The following POC1B variants were observed in gnomAD, a reference collection of about 807,000 sequenced individuals.
POC1B encodes the protein POC1 centriolar protein homolog B.
Under a neutral mutation model 60.6 loss-of-function variants are expected in POC1B, and 44 were observed. That is an observed-to-expected ratio of 0.73 (90% CI 0.57 to 0.93). The LOEUF (loss-of-function observed/expected upper bound fraction) is 0.93, where lower values mean the gene tolerates loss of function less well. Among genes scored for constraint, POC1B ranks in the 40% least tolerant of loss-of-function variants. The pLI is 0.00. For missense variants in POC1B, 555 were observed against 572.3 expected (o/e 0.97, Z 0.31); for synonymous variants, 180 against 198.9 (o/e 0.90, Z 0.80).
the POC1B span, among the ~76,000 whole-genome samples, chr12:89,406,931 C>A: frequency 0.85 from 129,001 of 151,520 alleles, 55,073 homozygotes; most frequent in East Asian, 0.98. Context: ...GGATCACCTG[C>A]GGTCAGGAGT....
chr12:89,522,218 C>A (rs1870945430), intron 2 of POC1B: 2 of 398,436 alleles, frequency 5.0e-6, no homozygotes, highest in African/African-American at 4.1e-5. Context: ...TTAAAAAGGC[C>A]TCCAAACTCA....
the POC1B span, among the ~76,000 whole-genome samples, chr12:89,401,728 G>A: frequency 2.6e-5 from 4 of 152,096 alleles, no homozygotes; most frequent in South Asian, 2.1e-4. Context: ...CTCAAGATGG[G>A]TCCTCACAAA....
intron 2 of POC1B, chr12:89,523,887 G>A (rs1290940278): frequency 3.2e-6 from 5 of 1,578,546 alleles, no homozygotes; most frequent in Non-Finnish European, 4.3e-6. Flanking sequence ...AAGTGAGGAC[G>A]TCCCCAGTGG....
chr12:89,501,012 A>G lies in POC1B; in HGVS notation c.101-3670T>C, dbSNP rs1276393327. On this transcript the variant is annotated intron_variant, in intron 2 of 11. Coordinates refer to ENST00000313546, the MANE Select transcript of POC1B (RefSeq NM_172240.3). ...TATGAAGTTGATAGAGGATGAATTT[A>G]TAATTGATAAGTCAGATCAAAGTTT... The G allele has an allele frequency of 4.0e-6, 4 of 994,870 alleles. No individual in the cohort carries two copies. In the South Asian group the frequency reaches 5.5e-5, roughly 14 times the overall value. The allele number at this position is 994,870 out of a possible 1,614,324, so 61.6% of individuals were successfully genotyped here. A position where few individuals can be genotyped will look rare whatever the true frequency, so the allele number is the denominator to read the frequency against.
chr12:89,525,950 GGGAGAGGATGGGGAAGGAGA>G lies in POC1B; in HGVS notation c.-75_-56del. On this transcript the variant is annotated 5_prime_UTR_variant, in exon 1 of 12. Transcript: ENST00000313546. ...GGGTGGGGGAACCCGGAGAGGGGAG[GGGAGAGGATGGGGAAGGAGA>G]GGGGACCGTGCGGCTCCCGGAACCG... 13 of 1,540,482 alleles carry G rather than the reference GGGAGAGGATGGGGAAGGAGA, an allele frequency of 8.4e-6. No individual in the cohort carries two copies. Among genetic ancestry groups the G allele is most frequent in the Non-Finnish European group, 1.1e-5 (13 of 1,141,680 alleles).
intron 4 of POC1B, among the ~76,000 whole-genome samples, chr12:89,479,509 A>G (rs773948760): frequency 6.6e-6 from 1 of 152,218 alleles, no homozygotes; most frequent in African/African-American, 2.4e-5. Flanking sequence ...TACTATTTAC[A>G]TTTTAAAAGC....
intron 10 of POC1B, among the ~76,000 whole-genome samples, chr12:89,451,882 A>C (rs972822753): frequency 6.6e-6 from 1 of 152,130 alleles, no homozygotes; most frequent in African/African-American, 2.4e-5. Context: ...TAAGTTCACT[A>C]TTTTCCGTGA....
chr12:89,502,127 A>T, intron 2 of POC1B: 1 of 1,182,862 alleles, frequency 8.5e-7, no homozygotes, highest in Non-Finnish European at 1.3e-6. Flanking sequence ...GATTCTGGAG[A>T]GCATAAGACT....
chr12:89,437,289 T>C (rs887870859), intron 10 of POC1B, among the ~76,000 whole-genome samples: 3 of 152,048 alleles, frequency 2.0e-5, no homozygotes, highest in African/African-American at 7.2e-5. Context: ...CCTTCACTGG[T>C]CCCCCCAATT....
chr12:89,458,044 G>A (rs57155804), intron 10 of POC1B, among the ~76,000 whole-genome samples: 1,812 of 152,218 alleles, frequency 0.012, 35 homozygotes, highest in African/African-American at 0.042. Context: ...GATTCCTCAC[G>A]TAATGAGGCT....
At chr12:89,438,531 AT>A (rs1056963257) in intron 10 of POC1B, among the ~76,000 whole-genome samples, 1 of 152,214 alleles carries the variant, frequency 6.6e-6, no homozygotes, top group Admixed American at 6.5e-5. Flanking sequence ...ATTATCAAAC[AT>A]TTTTCAAACT....
Position 89,526,036 on chromosome 12 carries a change from G to C in POC1B, c.-141C>G, listed in dbSNP as rs780952919. 1.6e-5 allele frequency: 25 copies of C among 1,534,732 alleles called. No homozygotes were observed. Among genetic ancestry groups the C allele is most frequent in the Admixed American group, 2.0e-5 (1 of 50,864 alleles). ...AGCGCCTCCCGGTCACTACAACAACGGCGGCCCAGTCAAACCCCGCGCTCC... is the reference window on the plus strand; with the variant it reads ...AGCGCCTCCCGGTCACTACAACAACCGCGGCCCAGTCAAACCCCGCGCTCC... On this transcript the variant is annotated 5_prime_UTR_variant, in exon 1 of 12. Transcript: ENST00000313546.
rs777371599 is a variant in POC1B, at chr12:89,425,214, C to T, written c.1279G>A (p.Ala427Thr). The change falls in exon 11 of 12, where the codon GCT becomes ACT. Residue 427 changes from alanine to threonine, a missense_variant. Coordinates refer to ENST00000313546, the MANE Select transcript of POC1B (RefSeq NM_172240.3). The stretch of plus-strand genomic sequence containing the variant: ...ATATGCTCTAAAGCATCAGTCACAG[C>T]GAGAGGTATGCTCCTTTGACTTTCA... ...PCESQRSIPL[A>T]VTDALEHIME... The T allele has an allele frequency of 8.7e-6, 14 of 1,614,018 alleles. No homozygotes were observed. The highest frequency in any genetic ancestry group is 1.6e-4 in the Middle Eastern group (1 of 6,084).
chr12:89,402,366 CA>C, the POC1B span, among the ~76,000 whole-genome samples: 50 of 151,638 alleles, frequency 3.3e-4, no homozygotes, highest in East Asian at 8.9e-3. Context: ...CACACACACA[CA>C]CACCCCTTTA....
At chr12:89,469,619 A>G (rs1882811300) in intron 7 of POC1B, among the ~76,000 whole-genome samples, 3 of 152,116 alleles carry the variant, frequency 2.0e-5, no homozygotes, top group South Asian at 4.1e-4. Flanking sequence ...TGCTTACCCA[A>G]TTTCTCCTAA....
Position 89,497,234 on chromosome 12 carries a change from G to A in POC1B, c.209C>T (p.Pro70Leu). ...GGCAGACGCCAATAAGTTTCCATGT[G>A]GAGAAAACTGCACGCTGGTTACAAC... ...KDVVTSVQFS[P>L]HGNLLASASR... is the part of the protein sequence containing the mutation. Residue 70 changes from proline to leucine, a missense_variant, in exon 3 of 12, where the codon CCA (proline) becomes CTA (leucine). Physicochemically the swap from Pro to Leu is moderately conservative, Grantham distance 98. Transcript: ENST00000313546. The A allele has an allele frequency of 6.2e-7, 1 of 1,613,836 alleles. No individual in the cohort carries two copies. The highest frequency in any genetic ancestry group is 1.3e-5 in the African/African-American group (1 of 75,030).
intron 10 of POC1B, among the ~76,000 whole-genome samples, chr12:89,446,663 A>T (rs998918636): frequency 6.6e-6 from 1 of 152,112 alleles, no homozygotes; most frequent in Non-Finnish European, 1.5e-5. Context: ...TGACGAGTTA[A>T]TGGGTGCAGC....
At chr12:89,501,112 A>G in intron 2 of POC1B, 1 of 1,274,368 alleles carries the variant, frequency 7.8e-7, no homozygotes, top group Non-Finnish European at 1.1e-6. Flanking sequence ...CCCGGCTGAG[A>G]GCACTGCACT....
chr12:89,448,645 C>A (rs1443396780), intron 10 of POC1B, among the ~76,000 whole-genome samples: 1 of 152,222 alleles, frequency 6.6e-6, no homozygotes, highest in Non-Finnish European at 1.5e-5. Context: ...AAAGACATGA[C>A]AGATCAAATA....
Sources: gnomAD v4.1 joint callset for allele counts (sites outside exome capture counted in the v4.1 genomes callset) on GRCh38, gnomAD v4.1.1 for gene constraint, MANE v1.5 for transcripts, NCBI Gene and HGNC (gene_info 2026-07-23, HGNC 2026-07-21) for gene names.